Variants in DAAM1 observed in about 807,000 individuals in gnomAD.
The protein encoded by DAAM1 is dishevelled associated activator of morphogenesis 1, also known as disheveled-associated activator of morphogenesis 1.
Under a neutral mutation model 130.0 loss-of-function variants are expected in DAAM1, and 52 were observed. That is an observed-to-expected ratio of 0.40 (90% CI 0.32 to 0.50). DAAM1 has a LOEUF of 0.50. Among genes scored for constraint, DAAM1 ranks in the 20% least tolerant of loss-of-function variants. DAAM1 has a pLI of 0.61. For missense variants in DAAM1, 1,134 were observed against 1,303.8 expected (o/e 0.87, Z 2.01); for synonymous variants, 452 against 444.5 (o/e 1.02, Z -0.21).
intron 1 of DAAM1, among the ~76,000 whole-genome samples, chr14:59,194,547 A>G (rs1887826152): frequency 6.6e-6 from 1 of 152,234 alleles, no homozygotes; most frequent in South Asian, 2.1e-4. Context: ...CTCACCCTGA[A>G]CAGGGCCACA....
chr14:59,291,684 A>G (rs1883746210), intron 3 of DAAM1, among the ~76,000 whole-genome samples: 1 of 152,078 alleles, frequency 6.6e-6, no homozygotes, highest in Non-Finnish European at 1.5e-5. Context: ...CCATTTCATC[A>G]TCTCTCTGGT....
chr14:59,271,609 AAGTCATTTTGATATGAAAGGAGCTAC>A (rs1882710570), intron 2 of DAAM1, among the ~76,000 whole-genome samples: 1 of 152,158 alleles, frequency 6.6e-6, no homozygotes, highest in Non-Finnish European at 1.5e-5. Context: ...ATATATTCTG[AAGTCATTTTGATATGAAAGGAGCTAC>A]AGGAACCCAA....
intron 3 of DAAM1, among the ~76,000 whole-genome samples, chr14:59,309,363 G>A (rs1486673011): frequency 2.0e-5 from 3 of 152,212 alleles, no homozygotes; most frequent in South Asian, 2.1e-4. Context: ...AAAAGTTCAG[G>A]TTACTGGGCA....
intron 2 of DAAM1, among the ~76,000 whole-genome samples, chr14:59,271,581 A>G (rs1882708889): frequency 6.6e-6 from 1 of 152,186 alleles, no homozygotes; most frequent in African/African-American, 2.4e-5. Flanking sequence ...ACCTACATCA[A>G]TAATCTCTTC....
At chr14:59,312,928 G>A (rs1485701853) in intron 3 of DAAM1, among the ~76,000 whole-genome samples, 3 of 152,222 alleles carry the variant, frequency 2.0e-5, no homozygotes, top group East Asian at 3.8e-4. Context: ...ACAGTAGTCA[G>A]TGCAGGCTGA....
chr14:59,284,884 T>A (rs1883374344), intron 2 of DAAM1, among the ~76,000 whole-genome samples: 1 of 152,116 alleles, frequency 6.6e-6, no homozygotes, highest in African/African-American at 2.4e-5. Flanking sequence ...GGAAAATATA[T>A]TTGAGGATGT....
chr14:59,365,067 C>G (rs1321986734), intron 23 of DAAM1, among the ~76,000 whole-genome samples: 1 of 152,172 alleles, frequency 6.6e-6, no homozygotes, highest in Non-Finnish European at 1.5e-5. Flanking sequence ...TGTGAACTGG[C>G]TGTTGTCAGC....
intron 1 of DAAM1, among the ~76,000 whole-genome samples, chr14:59,259,790 A>G (rs1882083065): frequency 6.6e-6 from 1 of 152,232 alleles, no homozygotes; most frequent in African/African-American, 2.4e-5. Flanking sequence ...CACGCCTGTA[A>G]TCCCAGCACT....
intron 3 of DAAM1, among the ~76,000 whole-genome samples, chr14:59,302,477 C>T (rs1284971848): frequency 6.6e-6 from 1 of 152,096 alleles, no homozygotes; most frequent in Non-Finnish European, 1.5e-5. Context: ...CCTCAGCATT[C>T]ACTCAGGGCT....
rs12184979 is a variant in DAAM1 at position 59,274,172 on chromosome 14, G to A, written c.183+10512G>A. On this transcript the variant is annotated intron_variant, in intron 2 of 24. Coordinates refer to ENST00000360909, the MANE Select transcript of DAAM1 (RefSeq NM_001270520.2). ...TGAAAAAGTTGCAGTATTTTTTCTT[G>A]TGTTCAGTTTTAAATGAATTTGTTG... Among the ~76,000 whole-genome samples, 1,128 of 152,144 alleles carry A rather than the reference G, an allele frequency of 7.4e-3. 12 individuals are homozygous for A. The highest frequency in any genetic ancestry group is 0.011 in the Admixed American group (172 of 15,278).
intron 2 of DAAM1, among the ~76,000 whole-genome samples, chr14:59,272,203 A>G (rs1253483370): frequency 6.6e-6 from 1 of 152,232 alleles, no homozygotes; most frequent in Admixed American, 6.5e-5. Context: ...TTATTTGACA[A>G]ACCTGTAAAG....
In DAAM1 at chr14:59,371,312, A is replaced by G. The variant is rs1004297022; in HGVS notation, c.*2453A>G. On this transcript the variant is annotated 3_prime_UTR_variant, in exon 25 of 25. Transcript: ENST00000360909. Reference sequence around the variant, plus strand: ...TTTAGGTGCAAGACTGTTGTTAGATAGTACTGAGAAAAAAAAAGTATGTGT... The same window carrying G: ...TTTAGGTGCAAGACTGTTGTTAGATGGTACTGAGAAAAAAAAAGTATGTGT... 4 of 152,102 alleles carry G rather than the reference A, an allele frequency of 2.6e-5. No individual in the cohort carries two copies. Among genetic ancestry groups the G allele is most frequent in the Non-Finnish European group, 5.9e-5 (4 of 67,992 alleles). 9.4% of individuals were successfully genotyped at this position (152,102 alleles called of 1,614,324 possible).
In DAAM1 at chr14:59,344,951, AT is replaced by A. The variant is rs113522024; in HGVS notation, c.2076-2576del. Among the ~76,000 whole-genome samples, 37 of 149,228 alleles carry A rather than the reference AT, an allele frequency of 2.5e-4. 1 individual carries two copies. The highest frequency in any genetic ancestry group is 6.9e-3 in the Middle Eastern group (2 of 290). ...TCGGTGTGAAAAGGACACAGAACTAATTTTTTTTTTTTCTTACAAGCAGAGC... is the reference window on the plus strand; with the variant it reads ...TCGGTGTGAAAAGGACACAGAACTAATTTTTTTTTTTCTTACAAGCAGAGC... On this transcript the variant is annotated intron_variant, in intron 16 of 24. Coordinates refer to ENST00000360909, the MANE Select transcript of DAAM1 (RefSeq NM_001270520.2).
chr14:59,240,936 A>AT (rs1881089708), intron 1 of DAAM1, among the ~76,000 whole-genome samples: 1 of 152,252 alleles, frequency 6.6e-6, no homozygotes, highest in African/African-American at 2.4e-5. Context: ...AAGTAGGCAA[A>AT]TAGGTAAGAG....
intron 3 of DAAM1, among the ~76,000 whole-genome samples, chr14:59,297,781 C>G (rs918923029): frequency 6.6e-6 from 1 of 152,156 alleles, no homozygotes; most frequent in Admixed American, 6.6e-5. Context: ...TAATCTCTTA[C>G]TGTGCCTAAT....
rs137999823 is a variant in DAAM1, at chr14:59,241,898, T to C, written c.-37-21543T>C. Among the ~76,000 whole-genome samples, 362 of 152,030 alleles carry C rather than the reference T, an allele frequency of 2.4e-3. 1 individual carries two copies. The highest frequency in any genetic ancestry group is 8.3e-3 in the African/African-American group (342 of 41,454). ...CACAAACTGTCTCTCTCTCTCTCTC[T>C]TTTTTTTCCCCCTCTTCCTCAAAAT... On this transcript the variant is annotated intron_variant, in intron 1 of 24. Coordinates refer to ENST00000360909, the MANE Select transcript of DAAM1 (RefSeq NM_001270520.2).
At chr14:59,361,041 G>C (rs1886686105) in intron 22 of DAAM1, among the ~76,000 whole-genome samples, 179 bp downstream of exon 22, 1 of 152,188 alleles carries the variant, frequency 6.6e-6, no homozygotes, top group Non-Finnish European at 1.5e-5. Context: ...CTGGCAACTT[G>C]ATTGCAGGCA....
At chr14:59,227,676 T>C (rs1231812921) in intron 1 of DAAM1, among the ~76,000 whole-genome samples, 5 of 152,204 alleles carry the variant, frequency 3.3e-5, no homozygotes, top group African/African-American at 1.2e-4. Flanking sequence ...GATCTGGTGC[T>C]CCAGAACATG....
In DAAM1 at chr14:59,326,535, G is replaced by T. The variant is rs139756687; in HGVS notation, c.1200G>T (p.Gln400His). 2.9e-5 allele frequency: 47 copies of T among 1,612,412 alleles called. No homozygotes were observed. In the African/African-American group the frequency reaches 6.0e-4, roughly 21 times the overall value. ...ACAAGAGGAGTGGCAACACTGTTCA[G>T]TACTGGCTACTACTAGATAGAATTA... is the stretch of plus-strand genomic sequence containing the variant. ...MPYKRSGNTV[Q>H]YWLLLDRIIQ... is the part of the protein sequence containing the mutation. Residue 400 changes from glutamine (Q) to histidine (H), a missense_variant, in exon 11 of 25, where the codon CAG (glutamine) becomes CAT (histidine). Around this residue, in one of 3 missense-constraint regions of DAAM1, gnomAD observed 391 missense variants for 521.6 expected, o/e 0.75. Coordinates refer to ENST00000360909, the MANE Select transcript of DAAM1 (RefSeq NM_001270520.2).
Sources: gnomAD v4.1 joint callset for allele counts (sites outside exome capture counted in the v4.1 genomes callset) on GRCh38, gnomAD v4.1.1 for gene constraint, gnomAD v4.1.1 regional missense constraint, MANE v1.5 for transcripts, NCBI Gene and HGNC (gene_info 2026-07-23, HGNC 2026-07-21) for gene names.